The following SLC39A8 variants were observed in gnomAD, a reference collection of about 807,000 sequenced individuals.
The protein encoded by SLC39A8 is solute carrier family 39 member 8, also known as metal cation symporter ZIP8.
Under a neutral mutation model 40.4 loss-of-function variants are expected in SLC39A8, and 15 were observed. The ratio of observed to expected loss-of-function variants is 0.37; its 90% CI spans 0.25 to 0.57. SLC39A8 has a LOEUF of 0.57. Ranked by LOEUF, SLC39A8 falls within the 20% of genes least tolerant of loss-of-function variation. The pLI, the probability that SLC39A8 is intolerant of heterozygous loss-of-function variation, is 0.75. For synonymous variants in SLC39A8, 223 were observed against 221.6 expected (o/e 1.01, Z -0.06); for missense variants, 472 against 558.8 (o/e 0.84, Z 1.57).
chr4:102,267,956 T>G lies in SLC39A8; in HGVS notation c.964A>C (p.Ile322Leu), dbSNP rs779712617. Reference sequence around the variant, plus strand: ...AGAGACAAGGTGCAGGAAGCCCCAATCGCCAGGCCATCGATGAAATTGTGG... The same window carrying G: ...AGAGACAAGGTGCAGGAAGCCCCAAGCGCCAGGCCATCGATGAAATTGTGG... Reference protein sequence around the residue: ...ALHNFIDGLAIGASCTLSLLQ... With the variant: ...ALHNFIDGLALGASCTLSLLQ... Residue 322 changes from isoleucine (I) to leucine (L), a missense_variant, in exon 7 of 9, where the codon ATT (isoleucine) becomes CTT (leucine). By Grantham distance (5) the Ile-to-Leu change is conservative. This residue lies in a region of SLC39A8 where 239 missense variants were observed against 317.9 expected (regional missense o/e 0.75). Coordinates refer to ENST00000356736, the MANE Select transcript of SLC39A8 (RefSeq NM_001135146.2). 6.2e-7 allele frequency: 1 copy of G among 1,614,156 alleles called. No individual in the cohort carries two copies. Among genetic ancestry groups the G allele is most frequent in the African/African-American group, 1.3e-5 (1 of 75,036 alleles).
intron 6 of SLC39A8, among the ~76,000 whole-genome samples, chr4:102,274,677 A>G (rs1240826181): frequency 6.6e-6 from 1 of 152,220 alleles, no homozygotes; most frequent in African/African-American, 2.4e-5. Context: ...GGAATGCAGG[A>G]AAAAATGTTA....
At chr4:102,258,017 G>T (rs1322863498), downstream of SLC39A8, among the ~76,000 whole-genome samples, 2 of 152,096 alleles carry the variant, frequency 1.3e-5, no homozygotes, top group Non-Finnish European at 2.9e-5. Context: ...CTGAGCATGG[G>T]GTTCCTTTGC....
At chr4:102,299,469 G>A (rs1384474307) in intron 6 of SLC39A8, among the ~76,000 whole-genome samples, 2 of 151,970 alleles carry the variant, frequency 1.3e-5, no homozygotes, top group African/African-American at 4.8e-5. Context: ...TGTGCCCTAT[G>A]TGCCAGCACT....
chr4:102,275,915 G>T (rs1026258513), intron 6 of SLC39A8, among the ~76,000 whole-genome samples: 4 of 152,036 alleles, frequency 2.6e-5, no homozygotes, highest in African/African-American at 9.7e-5. Context: ...AAGGCAGAAA[G>T]AAATAAGTTC....
chr4:102,272,045 A>T (rs1732384339), intron 6 of SLC39A8, among the ~76,000 whole-genome samples: 2 of 152,114 alleles, frequency 1.3e-5, no homozygotes, highest in African/African-American at 2.4e-5. Flanking sequence ...AGGTGAGAGT[A>T]AAAGGGGTAT....
At chr4:102,344,385 C>A in intron 2 of SLC39A8, 59 bp downstream of exon 2, 1 of 1,261,840 alleles carries the variant, frequency 7.9e-7, no homozygotes, top group Non-Finnish European at 1.1e-6. Context: ...GGCTCATATA[C>A]AAAGTGAAGT....
At chr4:102,255,698 T>C (rs756420078) in intron 11 of SLC39A8, among the ~76,000 whole-genome samples, 2 of 152,132 alleles carry the variant, frequency 1.3e-5, no homozygotes, top group Non-Finnish European at 2.9e-5. Context: ...AGCTTTTACA[T>C]GGACAAGGGC....
At chr4:102,340,049 G>A (rs918060894) in intron 2 of SLC39A8, among the ~76,000 whole-genome samples, 3 of 152,180 alleles carry the variant, frequency 2.0e-5, no homozygotes, top group South Asian at 4.1e-4. Context: ...TCACTGTTTC[G>A]TGCATTATAA....
chr4:102,263,158 T>C lies in SLC39A8; in HGVS notation c.1269A>G (p.Val423=). ...PEMNDMLREK[V]TGRKTDFTFF... is the part of the protein sequence containing the mutation. The stretch of plus-strand genomic sequence containing the variant: ...AGGTGAAATCGGTTTTTCTTCCAGT[T>C]ACCTTTTCTCTCAGCATATCATTCA... The change falls in exon 9 of 9, where the codon GTA becomes GTG. Residue 423 remains valine, a synonymous_variant. Transcript: ENST00000356736. 1 of 1,613,788 alleles carries C rather than the reference T, an allele frequency of 6.2e-7. No individual in the cohort carries two copies. The highest frequency in any genetic ancestry group is 1.6e-4 in the Middle Eastern group (1 of 6,062).
In SLC39A8 at chr4:102,292,990, T is replaced by G. The variant is rs554201584; in HGVS notation, c.840+11327A>C. Among the ~76,000 whole-genome samples the G allele has an allele frequency of 4.6e-5, 7 of 152,168 alleles. No homozygotes were observed. The South Asian group carries it at 1.4e-3, about 31-fold the overall frequency. ...AGATTTAAACTCAAATCTACCTGACTCAAGTACTTTTGACAAAGATAAGTT... is the reference window on the plus strand; with the variant it reads ...AGATTTAAACTCAAATCTACCTGACGCAAGTACTTTTGACAAAGATAAGTT... On this transcript the variant is annotated intron_variant, in intron 6 of 8. Transcript: ENST00000356736.
At chr4:102,323,576 G>T (rs1256193491) in intron 2 of SLC39A8, among the ~76,000 whole-genome samples, 1 of 152,194 alleles carries the variant, frequency 6.6e-6, no homozygotes, top group Non-Finnish European at 1.5e-5. Flanking sequence ...GTTATCATAA[G>T]AGTTCTGGGA....
intron 1 of SLC39A8, 37 bp from the exon 2 acceptor site, chr4:102,344,952 G>A: frequency 8.6e-7 from 1 of 1,166,762 alleles, no homozygotes; most frequent in Non-Finnish European, 1.1e-6. Flanking sequence ...AGAGATAAAG[G>A]CCACCAGGGC....
exon 12 of SLC39A8, chr4:102,251,550 G>A (rs973442981): frequency 1.3e-5 from 2 of 152,158 alleles, no homozygotes; most frequent in Non-Finnish European, 2.9e-5. Context: ...ATGTAAGACA[G>A]GTTAACGGGA....
intron 2 of SLC39A8, among the ~76,000 whole-genome samples, chr4:102,335,768 G>A (rs1426062221): frequency 2.0e-5 from 3 of 152,146 alleles, no homozygotes; most frequent in Non-Finnish European, 4.4e-5. Context: ...TTGGAGAAAG[G>A]GAAGTGGAGG....
chr4:102,274,226 A>T (rs1732507213), intron 6 of SLC39A8, among the ~76,000 whole-genome samples: 3 of 152,258 alleles, frequency 2.0e-5, no homozygotes, highest in Admixed American at 2.0e-4. Flanking sequence ...GGAATTGCTA[A>T]CTAGAATAGT....
chr4:102,277,003 C>G (rs1732648100), intron 6 of SLC39A8, among the ~76,000 whole-genome samples: 1 of 152,090 alleles, frequency 6.6e-6, no homozygotes, highest in African/African-American at 2.4e-5. Context: ...ATAATAAGAA[C>G]TATTTATGAC....
intron 2 of SLC39A8, among the ~76,000 whole-genome samples, chr4:102,320,170 T>TATATATATATATATATATAC: frequency 3.0e-5 from 1 of 33,142 alleles, no homozygotes; most frequent in South Asian, 4.9e-4. Flanking sequence ...TATATATACA[T>TATATATATATATATATATAC]ATATATATAT....
intron 6 of SLC39A8, among the ~76,000 whole-genome samples, chr4:102,299,621 C>G (rs1733830136): frequency 6.6e-6 from 1 of 152,036 alleles, no homozygotes; most frequent in Non-Finnish European, 1.5e-5. Context: ...CAGTCATCAA[C>G]AAAGAAAATC....
At chr4:102,325,075 T>A (rs1394759698) in intron 2 of SLC39A8, among the ~76,000 whole-genome samples, 8 of 152,076 alleles carry the variant, frequency 5.3e-5, no homozygotes, top group African/African-American at 1.9e-4. Context: ...ACATACATAC[T>A]TATATATACA....
Sources: allele counts gnomAD v4.1 joint callset (sites outside exome capture counted in the v4.1 genomes callset), GRCh38; gene constraint gnomAD v4.1.1; regional missense constraint gnomAD v4.1.1; transcripts MANE v1.5; gene names NCBI Gene and HGNC (gene_info 2026-07-23, HGNC 2026-07-21).